Variants in DOK6 observed in about 807,000 individuals in gnomAD.
The protein encoded by DOK6 is docking protein 6.
A neutral mutation model predicts 44.0 loss-of-function variants in DOK6; 22 were observed. The ratio of observed to expected loss-of-function variants is 0.50; its 90% CI spans 0.36 to 0.71. DOK6 has a LOEUF of 0.71. Among genes scored for constraint, DOK6 ranks in the 30% least tolerant of loss-of-function variants. The probability of loss-of-function intolerance (pLI) is 0.00; values close to 1 mark genes in which losing one functional copy is unlikely to be tolerated. For missense variants in DOK6, 340 were observed against 416.4 expected (o/e 0.82, Z 1.60); for synonymous variants, 166 against 145.5 (o/e 1.14, Z -1.01).
At chr18:69,621,890 T>C (rs1381646327) in intron 3 of DOK6, among the ~76,000 whole-genome samples, 1 of 152,192 alleles carries the variant, frequency 6.6e-6, no homozygotes, top group East Asian at 1.9e-4. Flanking sequence ...AAAAATGATC[T>C]TACAGTGTTT....
intron 1 of DOK6, among the ~76,000 whole-genome samples, chr18:69,426,831 C>G (rs1208394365): frequency 6.6e-6 from 1 of 152,050 alleles, no homozygotes; most frequent in African/African-American, 2.4e-5. Context: ...TTTGTACTCT[C>G]CTTTATTTCT....
chr18:69,668,308 C>T (rs537595843), intron 3 of DOK6, among the ~76,000 whole-genome samples: 1 of 152,072 alleles, frequency 6.6e-6, no homozygotes, highest in South Asian at 2.1e-4. Flanking sequence ...TTGTATTTTA[C>T]TCAATGCCTC....
intron 3 of DOK6, among the ~76,000 whole-genome samples, chr18:69,622,849 T>C (rs1171545548): frequency 6.6e-6 from 1 of 152,192 alleles, no homozygotes; most frequent in Non-Finnish European, 1.5e-5. Flanking sequence ...TATAGGAATG[T>C]ACCTGACTAG....
intron 2 of DOK6, among the ~76,000 whole-genome samples, chr18:69,570,523 G>T (rs1217908590): frequency 6.6e-6 from 1 of 152,012 alleles, no homozygotes; most frequent in Non-Finnish European, 1.5e-5. Flanking sequence ...AAAAAAATTT[G>T]AAAAAGATAA....
intron 1 of DOK6, among the ~76,000 whole-genome samples, chr18:69,413,282 A>T (rs1294741876): frequency 1.3e-5 from 2 of 152,126 alleles, no homozygotes; most frequent in Non-Finnish European, 2.9e-5. Context: ...TGAATATTAA[A>T]TAGTTGTCTT....
chr18:69,683,132 T>C (rs923552003), intron 4 of DOK6, among the ~76,000 whole-genome samples: 2 of 151,490 alleles, frequency 1.3e-5, no homozygotes, highest in African/African-American at 4.9e-5. Flanking sequence ...ATTTTATCTA[T>C]GGGATGACCC....
intron 6 of DOK6, among the ~76,000 whole-genome samples, chr18:69,756,268 C>G (rs952803923): frequency 6.6e-6 from 1 of 152,078 alleles, no homozygotes; most frequent in Admixed American, 6.5e-5. Context: ...CTATGATAAC[C>G]CAGAAACTTG....
chr18:69,440,879 G>A (rs1979119058), intron 1 of DOK6, among the ~76,000 whole-genome samples: 1 of 152,062 alleles, frequency 6.6e-6, no homozygotes, highest in African/African-American at 2.4e-5. Context: ...GACATTGTCT[G>A]ATTGAAGGTT....
chr18:69,682,467 T>A (rs551524189), intron 4 of DOK6, among the ~76,000 whole-genome samples: 1 of 152,332 alleles, frequency 6.6e-6, no homozygotes, highest in African/African-American at 2.4e-5. Flanking sequence ...AATGCCAGTG[T>A]CTATTTCATC....
intron 7 of DOK6, among the ~76,000 whole-genome samples, chr18:69,773,178 A>G (rs74917468): frequency 0.02 from 2,985 of 151,952 alleles, 90 homozygotes; most frequent in African/African-American, 0.067. Flanking sequence ...CTAATTATCT[A>G]AAAAACAAAA....
intron 7 of DOK6, among the ~76,000 whole-genome samples, chr18:69,801,398 A>C (rs1980902474): frequency 6.6e-6 from 1 of 152,192 alleles, no homozygotes; most frequent in Admixed American, 6.6e-5. Flanking sequence ...TTTTTAATGA[A>C]TAGTTCTAGT....
intron 3 of DOK6, among the ~76,000 whole-genome samples, chr18:69,625,259 A>G (rs1984532018): frequency 6.6e-6 from 1 of 152,126 alleles, no homozygotes. Context: ...GTTTTATTAC[A>G]TTTTCATGAG....
At chr18:69,501,361 T>C (rs1014380807) in intron 1 of DOK6, among the ~76,000 whole-genome samples, 1 of 152,140 alleles carries the variant, frequency 6.6e-6, no homozygotes, top group African/African-American at 2.4e-5. Context: ...TCAAAAGTTA[T>C]ACTATTGCCA....
chr18:69,468,054 G>A (rs1443950677), intron 1 of DOK6, among the ~76,000 whole-genome samples: 2 of 151,992 alleles, frequency 1.3e-5, no homozygotes, highest in Non-Finnish European at 2.9e-5. Context: ...GTTTCTTACT[G>A]TGTTTCTCAT....
At chr18:69,833,208 A>T (rs746892000) in intron 7 of DOK6, among the ~76,000 whole-genome samples, 1 of 152,166 alleles carries the variant, frequency 6.6e-6, no homozygotes, top group Non-Finnish European at 1.5e-5. Flanking sequence ...ACTGGCAAAA[A>T]ACAGAAACAC....
At chr18:69,445,104 T>C (rs1431142860) in intron 1 of DOK6, among the ~76,000 whole-genome samples, 1 of 152,236 alleles carries the variant, frequency 6.6e-6, no homozygotes, top group Non-Finnish European at 1.5e-5. Context: ...ATTATTTTCT[T>C]ATTTCATTTT....
chr18:69,535,630 A>G (rs995072055), intron 1 of DOK6, among the ~76,000 whole-genome samples: 8 of 151,990 alleles, frequency 5.3e-5, no homozygotes, highest in Non-Finnish European at 7.4e-5. Flanking sequence ...AATGGACATT[A>G]TCATCATGTT....
intron 3 of DOK6, among the ~76,000 whole-genome samples, chr18:69,641,034 A>G (rs887869947): frequency 1.3e-5 from 2 of 151,906 alleles, no homozygotes; most frequent in Non-Finnish European, 2.9e-5. Flanking sequence ...TGGCCAACAT[A>G]GTAAAACCAC....
At chr18:69,410,913 C>T (rs761481382) in intron 1 of DOK6, among the ~76,000 whole-genome samples, 14 of 152,130 alleles carry the variant, frequency 9.2e-5, no homozygotes, top group Non-Finnish European at 1.0e-4. Context: ...TAAACCTGGG[C>T]TCATGGCTGT....
Sources: gnomAD v4.1 joint callset for allele counts (sites outside exome capture counted in the v4.1 genomes callset) on GRCh38, gnomAD v4.1.1 for gene constraint, MANE v1.5 for transcripts, NCBI Gene and HGNC (gene_info 2026-07-23, HGNC 2026-07-21) for gene names.